The following ZNF114 variants were observed in gnomAD, a reference collection of about 807,000 sequenced individuals.
ZNF114 encodes the protein zinc finger protein 114 (Y18).
ZNF114 carries 8 observed loss-of-function variants against 6.8 expected under a neutral mutation model. The observed-to-expected ratio is 1.18, with a 90% CI of 0.69 to 2.13. ZNF114 has a LOEUF of 2.13. Among genes scored for constraint, ZNF114 ranks in the 30% most tolerant of loss-of-function variants. The pLI, the probability that ZNF114 is intolerant of heterozygous loss-of-function variation, is 0.00. For missense variants in ZNF114, 472 were observed against 519.5 expected (o/e 0.91, Z 0.89); for synonymous variants, 169 against 185.5 (o/e 0.91, Z 0.72).
chr19:48,276,448 A>G, intron 3 of ZNF114, among the ~76,000 whole-genome samples: 1 of 152,068 alleles, frequency 6.6e-6, no homozygotes, highest in East Asian at 1.9e-4. Flanking sequence ...TACCCTGCTA[A>G]TGACTGCCTC....
intron 4 of ZNF114, among the ~76,000 whole-genome samples, chr19:48,280,256 C>T (rs772376987): frequency 2.6e-4 from 39 of 151,926 alleles, no homozygotes; most frequent in African/African-American, 8.0e-4. Context: ...TGGTGGTGCA[C>T]GGCTGTCGTC....
intron 3 of ZNF114, among the ~76,000 whole-genome samples, chr19:48,272,415 A>AT (rs2147279594): frequency 6.9e-6 from 1 of 144,868 alleles, no homozygotes; most frequent in Admixed American, 6.9e-5. Context: ...CTGTCTCAAA[A>AT]AAAAAAATAA....
At chr19:48,285,582 AAG>A (rs372722808) in intron 5 of ZNF114, among the ~76,000 whole-genome samples, 177 bp from the exon 6 acceptor site, 42 of 149,834 alleles carry the variant, frequency 2.8e-4, no homozygotes, top group African/African-American at 1.0e-3. Flanking sequence ...AAGGGAAAGA[AAG>A]AGAAAAGAAA....
At position 48,282,354 on chromosome 19, in the gene ZNF114, T is replaced by C; in HGVS notation, c.10-17T>C. 6.2e-7 allele frequency: 1 copy of C among 1,611,608 alleles called. No individual in the cohort carries two copies. Among genetic ancestry groups the C allele is most frequent in the East Asian group, 2.2e-5 (1 of 44,604 alleles). Reference sequence around the variant, plus strand: ...AACAGGACACCCCTCCGAGCCAAACTGCATGTGTTATTTTAGGACTCGGTG... The same window carrying C: ...AACAGGACACCCCTCCGAGCCAAACCGCATGTGTTATTTTAGGACTCGGTG... On this transcript the variant is annotated splice_polypyrimidine_tract_variant and intron_variant, in intron 4 of 5. Coordinates refer to ENST00000595607, the MANE Select transcript of ZNF114 (RefSeq NM_153608.4).
intron 3 of ZNF114, among the ~76,000 whole-genome samples, chr19:48,276,120 C>T (rs1449036175): frequency 7.4e-6 from 1 of 135,154 alleles, no homozygotes; most frequent in African/African-American, 2.9e-5. Context: ...GCTCTTGTTG[C>T]CCAGGCTGGA....
At chr19:48,282,262 A>C in intron 4 of ZNF114, 109 bp from the exon 5 acceptor site, 1 of 1,439,934 alleles carries the variant, frequency 6.9e-7, no homozygotes. Flanking sequence ...TCACCTTTGC[A>C]GGTACCAAGG....
intron 5 of ZNF114, among the ~76,000 whole-genome samples, chr19:48,282,841 T>C (rs1326373320): frequency 6.6e-6 from 1 of 151,918 alleles, no homozygotes; most frequent in Non-Finnish European, 1.5e-5. Flanking sequence ...GCCTCCCTAG[T>C]AGCTGGGAAT....
At chr19:48,274,137 T>A (rs889527024) in intron 3 of ZNF114, among the ~76,000 whole-genome samples, 7 of 151,514 alleles carry the variant, frequency 4.6e-5, no homozygotes, top group African/African-American at 1.7e-4. Context: ...TATACACACA[T>A]ATATTTATGT....
chr19:48,284,101 GA>G (rs1256008548), intron 5 of ZNF114, among the ~76,000 whole-genome samples: 24 of 152,280 alleles, frequency 1.6e-4, no homozygotes, highest in African/African-American at 5.8e-4. Flanking sequence ...GAAGGGGGAT[GA>G]AATCATCGGG....
At chr19:48,271,185 A>T (rs1320424414) in intron 1 of ZNF114, 60 bp from the exon 2 acceptor site, 2 of 152,306 alleles carry the variant, frequency 1.3e-5, no homozygotes, top group Non-Finnish European at 2.9e-5. Flanking sequence ...AAAAACATAA[A>T]AATGGGGACA....
chr19:48,277,794 G>GGTGTGT (rs749201884), intron 3 of ZNF114, among the ~76,000 whole-genome samples: 12,584 of 119,278 alleles, frequency 0.11, 736 homozygotes, highest in East Asian at 0.14. Context: ...GGAGGCATTG[G>GGTGTGT]GTGTGTGTGT....
Position 48,287,143 on chromosome 19 carries a change from CA to C in ZNF114, c.*268del. 3.8e-6 allele frequency: 1 copy of C among 262,862 alleles called. No individual in the cohort carries two copies. Among genetic ancestry groups the C allele is most frequent in the Non-Finnish European group, 7.1e-6 (1 of 140,344 alleles). 16.3% of individuals were successfully genotyped at this position (262,862 alleles called of 1,614,324 possible). Reference sequence around the variant, plus strand: ...TATGACAAAGCCTTCAGCGTGGTCTCAAATTCATGGTTCATACAAGAACTCA... The same window carrying C: ...TATGACAAAGCCTTCAGCGTGGTCTCAATTCATGGTTCATACAAGAACTCA... On this transcript the variant is annotated 3_prime_UTR_variant, in exon 6 of 6. Transcript: ENST00000595607.
chr19:48,280,257 G>A (rs1427642971), intron 4 of ZNF114, among the ~76,000 whole-genome samples: 2 of 152,046 alleles, frequency 1.3e-5, no homozygotes, highest in African/African-American at 2.4e-5. Flanking sequence ...GGTGGTGCAC[G>A]GCTGTCGTCC....
Position 48,278,370 on chromosome 19 carries a change from C to T in ZNF114, c.-69-1361C>T, listed in dbSNP as rs186526699. ...CTTCAGTGGTCATCTCCCAGTCCCTCATCTCCCCCAGCCCTGGACAACCTC... is the reference window on the plus strand; with the variant it reads ...CTTCAGTGGTCATCTCCCAGTCCCTTATCTCCCCCAGCCCTGGACAACCTC... On this transcript the variant is annotated intron_variant, in intron 3 of 5. Coordinates refer to ENST00000595607, the MANE Select transcript of ZNF114 (RefSeq NM_153608.4). Among the ~76,000 whole-genome samples, 248 of 152,348 alleles carry T rather than the reference C, an allele frequency of 1.6e-3. 4 individuals are homozygous for T. Among genetic ancestry groups the T allele is most frequent in the Middle Eastern group, 3.4e-3 (1 of 294 alleles).
intron 3 of ZNF114, 116 bp from the exon 4 acceptor site, chr19:48,279,615 G>T: frequency 1.5e-6 from 1 of 672,012 alleles, no homozygotes; most frequent in Non-Finnish European, 2.6e-6. Flanking sequence ...GGGCTGTGGT[G>T]GGGAAGTGTG....
intron 5 of ZNF114, among the ~76,000 whole-genome samples, chr19:48,285,511 AAGAC>A (rs943880184): frequency 6.6e-6 from 1 of 151,202 alleles, no homozygotes; most frequent in Admixed American, 6.6e-5. Flanking sequence ...AAAAGAGAGA[AAGAC>A]AGAGAGAACG....
chr19:48,285,625 A>G, intron 5 of ZNF114, 136 bp from the exon 6 acceptor site: 1 of 962,554 alleles, frequency 1.0e-6, no homozygotes, highest in East Asian at 2.7e-5. Flanking sequence ...GAAAGAAAGG[A>G]TGGAAGGAGC....
At chr19:48,277,000 A>C (rs1227812857) in intron 3 of ZNF114, among the ~76,000 whole-genome samples, 1 of 151,988 alleles carries the variant, frequency 6.6e-6, no homozygotes, top group Admixed American at 6.6e-5. Flanking sequence ...TCTACTAAAA[A>C]TACAAAAATT....
rs1342408653 is a variant in ZNF114, at chr19:48,281,068, A to T, written c.9+1260A>T. ...TGAGGTGGGAGGATCGCTTGAGCCC[A>T]GCAGTTCGAAGCTGCCGTGAGCTGC... On this transcript the variant is annotated intron_variant, in intron 4 of 5. Transcript: ENST00000595607. Among the ~76,000 whole-genome samples, 4 of 151,974 alleles carry T rather than the reference A, an allele frequency of 2.6e-5. No individual in the cohort carries two copies. The East Asian group carries it at 7.7e-4, about 29-fold the overall frequency.
Sources: allele counts gnomAD v4.1 joint callset (sites outside exome capture counted in the v4.1 genomes callset), GRCh38; gene constraint gnomAD v4.1.1; transcripts MANE v1.5; gene names NCBI Gene and HGNC (gene_info 2026-07-23, HGNC 2026-07-21).